RAB40C: variants seen among roughly 807,000 people sequenced by gnomAD.
RAB40C encodes the protein RAB40C, member RAS oncogene family, also known as ras-related protein Rab-40C.
In RAB40C, 8 loss-of-function variants were observed where a neutral mutation model predicts 28.1. That is an observed-to-expected ratio of 0.28 (90% confidence interval 0.17 to 0.51). The LOEUF (loss-of-function observed/expected upper bound fraction) is 0.51. RAB40C is among the 20% of genes least tolerant of loss of function. RAB40C has a pLI of 0.97. For missense variants in RAB40C, 288 were observed against 405.9 expected, an observed-to-expected ratio of 0.71 and a Z score of 2.50; for synonymous variants, 201 against 171.7, an observed-to-expected ratio of 1.17 and a Z score of -1.34.
chr16:624,571 C>T lies in RAB40C; in HGVS notation c.265-861C>T, dbSNP rs75323697. 276 of 985,350 alleles carry T rather than the reference C, an allele frequency of 2.8e-4. 7 individuals carry two copies. In the South Asian group the frequency reaches 8.6e-3, roughly 31 times the overall value. 61.0% of individuals were successfully genotyped at this position (985,350 alleles called of 1,614,324 possible). A position where few individuals can be genotyped will look rare whatever the true frequency, so the allele number is the denominator to read the frequency against. ...AGATGGTTCTAAGAGGCTCTAAAAA[C>T]CCTAATTTTCAGATGGACAGTGCCC... is the stretch of plus-strand genomic sequence containing the variant. On this transcript the variant is annotated intron_variant, in intron 3 of 5. Transcript: ENST00000248139.
rs377620108 is a variant in RAB40C, at chr16:625,922, C to T, written c.366C>T (p.Ile122=). The T allele has an allele frequency of 1.2e-6, 2 of 1,613,106 alleles. No individual in the cohort carries two copies. The highest frequency in any genetic ancestry group is 1.7e-6 in the Non-Finnish European group (2 of 1,179,872). Residue 122 remains isoleucine, a synonymous_variant, in exon 5 of 6, where the codon ATC becomes ATT. Coordinates refer to ENST00000248139, the MANE Select transcript of RAB40C (RefSeq NM_021168.5). ...AGCATGCACCCGGAGTCCCCCGGATCTTGGTTGGAAACCGGCTGCACCTGG... is the reference window on the plus strand; with the variant it reads ...AGCATGCACCCGGAGTCCCCCGGATTTTGGTTGGAAACCGGCTGCACCTGG... The part of the protein sequence containing the change: ...IDEHAPGVPR[I]LVGNRLHLAF...
chr16:618,278 C>G lies in RAB40C; in HGVS notation c.264+18C>G, dbSNP rs767317724. The G allele has an allele frequency of 1.3e-6, 2 of 1,589,832 alleles. No homozygotes were observed. Among genetic ancestry groups the G allele is most frequent in the Non-Finnish European group, 1.7e-6 (2 of 1,169,404 alleles). On this transcript the variant is annotated intron_variant, in intron 3 of 5. Transcript: ENST00000248139. ...GCGCTCAGGTAAGACCAGCACCGCT[C>G]TTTCCATTGCTTTTCAAAGGATGTT...
At position 590,183 on chromosome 16, in the gene RAB40C, G is replaced by C. The variant is rs955161262; in HGVS notation, c.-109G>C. ...CTTCGGGCGCGCCCACTCGGCCGCCGTGGGGCGGACGCAACGGGCGCAGGT... is the reference window on the plus strand; with the variant it reads ...CTTCGGGCGCGCCCACTCGGCCGCCCTGGGGCGGACGCAACGGGCGCAGGT... On this transcript the variant is annotated 5_prime_UTR_variant, in exon 1 of 6. Transcript: ENST00000248139. 1 of 832,678 alleles carries C rather than the reference G, an allele frequency of 1.2e-6. No homozygotes were observed. The highest frequency in any genetic ancestry group is 1.5e-6 in the Non-Finnish European group (1 of 680,732). The allele number at this position is 832,678 out of a possible 1,614,324, so 51.6% of individuals were successfully genotyped here.
intron 4 of RAB40C, 180 bp downstream of exon 4, chr16:625,689 G>A (rs1268111121): frequency 1.2e-6 from 1 of 839,980 alleles, no homozygotes; most frequent in African/African-American, 1.7e-5. Context: ...GTCGGGCGTG[G>A]AGCCCAGCAA....
intron 4 of RAB40C, 59 bp downstream of exon 4, chr16:625,568 C>T: frequency 2.0e-6 from 3 of 1,536,750 alleles, no homozygotes; most frequent in Non-Finnish European, 2.7e-6. Flanking sequence ...GGTACCTGGG[C>T]CCCGGGTAGG....
intron 1 of RAB40C, 51 bp from the exon 2 acceptor site, chr16:617,157 C>T (rs776707656): frequency 1.8e-5 from 29 of 1,596,692 alleles, no homozygotes; most frequent in Non-Finnish European, 2.1e-5. Flanking sequence ...GTCTCGCGGG[C>T]GCTCGCTCCA....
At chr16:609,043 A>G (rs1174866133) in intron 1 of RAB40C, among the ~76,000 whole-genome samples, 1 of 152,178 alleles carries the variant, frequency 6.6e-6, no homozygotes, top group Non-Finnish European at 1.5e-5. Context: ...TGAGCCTAGG[A>G]GTTGGAGGCT....
chr16:617,251 C>G lies in RAB40C; in HGVS notation c.186C>G (p.Arg62=). ...KTTTILLDGR[R]VKLELWDTSG... is the part of the protein sequence containing the mutation. ...CCACCATCCTGCTGGACGGCCGGCG[C>G]GTGAAGCTGGAGCTCTGGTGAGTTG... Residue 62 remains arginine, a synonymous_variant, in exon 2 of 6, where the codon CGC becomes CGG. Coordinates refer to ENST00000248139, the MANE Select transcript of RAB40C (RefSeq NM_021168.5). 6.2e-7 allele frequency: 1 copy of G among 1,614,128 alleles called. No individual in the cohort carries two copies.
Position 627,629 on chromosome 16 carries a change from T to G in RAB40C, c.*7T>G. On this transcript the variant is annotated 3_prime_UTR_variant, in exon 6 of 6. Coordinates refer to ENST00000248139, the MANE Select transcript of RAB40C (RefSeq NM_021168.5). The stretch of plus-strand genomic sequence containing the variant: ...TAACTGCAAGATCTCCTAGCGGGGA[T>G]GGGCGGGGCCGCCTGTGCAGATGCC... 1.3e-6 allele frequency: 2 copies of G among 1,565,280 alleles called. No homozygotes were observed. Among genetic ancestry groups the G allele is most frequent in the Non-Finnish European group, 1.7e-6 (2 of 1,153,198 alleles).
At chr16:623,458 G>T (rs915832601) in intron 3 of RAB40C, among the ~76,000 whole-genome samples, 5 of 151,656 alleles carry the variant, frequency 3.3e-5, no homozygotes, top group Admixed American at 6.6e-5. Context: ...GACCATCCTG[G>T]CTAACACGGT....
At chr16:590,601 C>T (rs1421617248) in intron 1 of RAB40C, among the ~76,000 whole-genome samples, 168 bp downstream of exon 1, 2 of 152,174 alleles carry the variant, frequency 1.3e-5, no homozygotes, top group African/African-American at 2.4e-5. Flanking sequence ...TGCCCGTGCT[C>T]CAGTCCCGAG....
chr16:624,531 C>G, intron 3 of RAB40C: 23 of 985,420 alleles, frequency 2.3e-5, no homozygotes, highest in Non-Finnish European at 2.8e-5. Flanking sequence ...ACACTTCAGT[C>G]TTCCAGATAT....
Position 612,616 on chromosome 16 carries a change from A to G in RAB40C, c.143-4592A>G, listed in dbSNP as rs868621828. 1.2e-3 allele frequency among the ~76,000 whole-genome samples: 19 copies of G among 15,870 alleles called. 1 individual carries two copies. Among genetic ancestry groups the G allele is most frequent in the South Asian group, 0.011 (1 of 92 alleles). The allele number at this position is 15,870 out of a possible 152,430, so 10.4% of individuals were successfully genotyped here. A position where few individuals can be genotyped will look rare whatever the true frequency, so the allele number is the denominator to read the frequency against. On this transcript the variant is annotated intron_variant, in intron 1 of 5. Transcript: ENST00000248139. ...AGGGACAGCCGCCCTGGCCTGTAGA[A>G]TCAAGAGCAAGGGACAGCCGCCTTT... is the stretch of plus-strand genomic sequence containing the variant.
chr16:603,036 C>A (rs765674161), intron 1 of RAB40C, among the ~76,000 whole-genome samples: 13 of 152,124 alleles, frequency 8.5e-5, no homozygotes, highest in African/African-American at 3.1e-4. Context: ...GGTCTTGAAC[C>A]GTGGCGCTGA....
Position 628,553 on chromosome 16 carries a change from T to C in RAB40C, c.*931T>C, listed in dbSNP as rs2036891185. ...CACGGCATCAGAACCATCCTGACCT[T>C]CTTAGGGACGTGCCTGGAACCACCT... On this transcript the variant is annotated 3_prime_UTR_variant, in exon 6 of 6. Coordinates refer to ENST00000248139, the MANE Select transcript of RAB40C (RefSeq NM_021168.5). 1 of 152,176 alleles carries C rather than the reference T, an allele frequency of 6.6e-6. No homozygotes were observed. Among genetic ancestry groups the C allele is most frequent in the South Asian group, 2.1e-4 (1 of 4,830 alleles). 9.4% of individuals were successfully genotyped at this position (152,176 alleles called of 1,614,324 possible).
chr16:602,031 CA>C (rs2036262973), intron 1 of RAB40C, among the ~76,000 whole-genome samples: 1 of 151,852 alleles, frequency 6.6e-6, no homozygotes, highest in Non-Finnish European at 1.5e-5. Context: ...GAGGCTGAGG[CA>C]AGAGAATCGC....
intron 1 of RAB40C, among the ~76,000 whole-genome samples, chr16:615,977 G>C (rs1232607015): frequency 6.6e-6 from 1 of 151,858 alleles, no homozygotes; most frequent in Non-Finnish European, 1.5e-5. Context: ...AGAAAAAAAG[G>C]CCGGGTGCAG....
At chr16:626,804 G>A (rs547085675) in intron 5 of RAB40C, among the ~76,000 whole-genome samples, 2 of 152,234 alleles carry the variant, frequency 1.3e-5, no homozygotes, top group Non-Finnish European at 2.9e-5. Flanking sequence ...CGGGCGTGGT[G>A]ACGCACACCT....
At chr16:599,523 C>T (rs1256703753) in intron 1 of RAB40C, among the ~76,000 whole-genome samples, 5 of 152,352 alleles carry the variant, frequency 3.3e-5, no homozygotes, top group East Asian at 3.9e-4. Flanking sequence ...TAGGCATGTA[C>T]GTGAAAATGC....
Sources: gnomAD v4.1 joint callset for allele counts (sites outside exome capture counted in the v4.1 genomes callset) on GRCh38, gnomAD v4.1.1 for gene constraint, MANE v1.5 for transcripts, NCBI Gene and HGNC (gene_info 2026-07-23, HGNC 2026-07-21) for gene names.